The following DLC1 variants were observed in gnomAD, a reference collection of about 807,000 sequenced individuals.
DLC1 encodes the protein DLC1 Rho GTPase activating protein.
A neutral mutation model predicts 140.3 loss-of-function variants in DLC1; 54 were observed. The ratio of observed to expected loss-of-function variants is 0.38; its 90% CI spans 0.31 to 0.48. The LOEUF (loss-of-function observed/expected upper bound fraction) is 0.48, where lower values mean the gene tolerates loss of function less well. DLC1 is among the 20% of genes least tolerant of loss of function. The pLI is 0.96. For missense variants in DLC1, 2,536 were observed against 1,907.0 expected (o/e 1.33, Z -6.14); for synonymous variants, 986 against 728.1 (o/e 1.35, Z -5.70).
intron 4 of DLC1, among the ~76,000 whole-genome samples, chr8:13,336,231 G>A (rs919558184): frequency 4.8e-4 from 72 of 151,068 alleles, no homozygotes; most frequent in African/African-American, 1.7e-3. Flanking sequence ...CCTTAATAAA[G>A]TTTTTTTTTC....
intron 2 of DLC1, among the ~76,000 whole-genome samples, chr8:13,452,177 A>G (rs1174381209): frequency 2.0e-5 from 3 of 150,826 alleles, no homozygotes; most frequent in Admixed American, 2.0e-4. Context: ...TAATTTAATA[A>G]TTAAAATAAA....
rs976676083 is a variant in DLC1 at position 13,098,498 on chromosome 8, T to C, written c.3068A>G (p.Gln1023Arg). 6.2e-7 allele frequency: 1 copy of C among 1,614,142 alleles called. No homozygotes were observed. The highest frequency in any genetic ancestry group is 1.7e-5 in the Admixed American group (1 of 60,014). The change falls in exon 10 of 18, where the codon CAG becomes CGG. Residue 1023 changes from glutamine to arginine, a missense_variant. By Grantham distance (43) the Gln-to-Arg change is conservative (BLOSUM62 1). Coordinates refer to ENST00000276297, the MANE Select transcript of DLC1 (RefSeq NM_182643.3). ...LNSVSLQINC[Q>R]SVAQMNLLQK... ...CAGCAGGTTCATCTGGGCCACAGAC[T>C]GGCAGTTAATCTGTAGTGATACAGA...
At chr8:13,433,507 G>C (rs1372807306) in intron 2 of DLC1, among the ~76,000 whole-genome samples, 2 of 152,100 alleles carry the variant, frequency 1.3e-5, no homozygotes, top group Non-Finnish European at 2.9e-5. Flanking sequence ...TCCAATTAAT[G>C]GTCAGTCAAA....
chr8:13,108,044 C>CAAAAAAAT (rs1284570436), intron 7 of DLC1, among the ~76,000 whole-genome samples: 2 of 151,690 alleles, frequency 1.3e-5, no homozygotes, highest in South Asian at 4.2e-4. Flanking sequence ...GACTCCATCT[C>CAAAAAAAT]AAAAAAATAA....
rs560533808 is a variant in DLC1, at chr8:13,484,478, A to T, written c.1023+14571T>A. Among the ~76,000 whole-genome samples, 135 of 152,204 alleles carry T rather than the reference A, an allele frequency of 8.9e-4. 1 individual carries two copies. Among genetic ancestry groups the T allele is most frequent in the Non-Finnish European group, 1.4e-3 (97 of 68,012 alleles). On this transcript the variant is annotated intron_variant, in intron 2 of 17. Transcript: ENST00000276297. Reference sequence around the variant, plus strand: ...AAATAAGTCTTGTATGCCTGGACTGATTCTCTTTAGTTTTTGGAGCGATGG... The same window carrying T: ...AAATAAGTCTTGTATGCCTGGACTGTTTCTCTTTAGTTTTTGGAGCGATGG...
At chr8:13,209,440 C>G (rs531240874) in intron 5 of DLC1, among the ~76,000 whole-genome samples, 1 of 152,272 alleles carries the variant, frequency 6.6e-6, no homozygotes, top group South Asian at 2.1e-4. Flanking sequence ...TGGATGACTT[C>G]TGCTCATCAG....
chr8:13,508,515 T>G (rs2117240946), intron 1 of DLC1, among the ~76,000 whole-genome samples: 1 of 152,002 alleles, frequency 6.6e-6, no homozygotes, highest in Non-Finnish European at 1.5e-5. Context: ...CCTCCCGAGT[T>G]CATGCCATTC....
Position 13,330,705 on chromosome 8 carries a change from A to C in DLC1, c.1315-25403T>G, listed in dbSNP as rs563697474. Among the ~76,000 whole-genome samples the C allele has an allele frequency of 5.9e-5, 9 of 152,306 alleles. No homozygotes were observed. In the South Asian group the frequency reaches 1.0e-3, roughly 18 times the overall value. ...AAAAAACACACAGTGAGAGGGGATG[A>C]GGTGACCAGGGGTTAGGATTACTAC... On this transcript the variant is annotated intron_variant, in intron 4 of 17. Coordinates refer to ENST00000276297, the MANE Select transcript of DLC1 (RefSeq NM_182643.3).
intron 2 of DLC1, among the ~76,000 whole-genome samples, chr8:13,498,027 G>A (rs932900012): frequency 2.6e-5 from 4 of 152,040 alleles, no homozygotes; most frequent in Non-Finnish European, 5.9e-5. Context: ...CTCTCTCATG[G>A]TAGATAGCCC....
chr8:13,373,203 C>T (rs1004844554), intron 4 of DLC1, among the ~76,000 whole-genome samples: 3 of 152,080 alleles, frequency 2.0e-5, no homozygotes, highest in Non-Finnish European at 2.9e-5. Context: ...TGGGTGCAAA[C>T]GGGTGACTGA....
rs1302589741 is a variant in DLC1 at position 13,603,837 on chromosome 8, AC to A, written c.-126+699del. Among the ~76,000 whole-genome samples, 9 of 152,120 alleles carry A rather than the reference AC, an allele frequency of 5.9e-5. No individual in the cohort carries two copies. The East Asian group carries it at 1.5e-3, about 26-fold the overall frequency. On this transcript the variant is annotated intron_variant, in intron 1 of 1. Transcript: ENST00000631382. Reference sequence around the variant, plus strand: ...AAGGCAACCGATCATTTCATTTGTAACCTTGTTGATTAAGCGGCTCTGAATT... The same window carrying A: ...AAGGCAACCGATCATTTCATTTGTAACTTGTTGATTAAGCGGCTCTGAATT...
At chr8:13,574,565 T>A (rs1178056600) in intron 1 of DLC1, among the ~76,000 whole-genome samples, 2 of 152,116 alleles carry the variant, frequency 1.3e-5, no homozygotes, top group Non-Finnish European at 1.5e-5. Flanking sequence ...AAAATGTGTC[T>A]AGCCACTTAG....
chr8:13,498,967 T>C, intron 2 of DLC1, 82 bp downstream of exon 2: 6 of 1,471,792 alleles, frequency 4.1e-6, no homozygotes, highest in Non-Finnish European at 5.4e-6. Flanking sequence ...CATATCTTTT[T>C]AATCCAAGCA....
intron 4 of DLC1, among the ~76,000 whole-genome samples, chr8:13,327,758 C>T (rs1833431233): frequency 1.3e-5 from 2 of 152,218 alleles, no homozygotes; most frequent in Non-Finnish European, 2.9e-5. Flanking sequence ...GACATTGTCT[C>T]TGGCCTTATG....
At chr8:13,380,261 G>C (rs1311510682) in intron 4 of DLC1, among the ~76,000 whole-genome samples, 3 of 152,068 alleles carry the variant, frequency 2.0e-5, no homozygotes, top group African/African-American at 7.2e-5. Flanking sequence ...TATTCTCCCC[G>C]GAAAACTACT....
chr8:13,125,112 G>C (rs1398206740), intron 5 of DLC1, among the ~76,000 whole-genome samples: 6 of 152,048 alleles, frequency 3.9e-5, no homozygotes, highest in African/African-American at 1.2e-4. Flanking sequence ...AAGTAGCTGG[G>C]ATTACAGGTG....
chr8:13,529,101 C>G (rs1038675663), intron 1 of DLC1, among the ~76,000 whole-genome samples: 1 of 151,978 alleles, frequency 6.6e-6, no homozygotes, highest in East Asian at 1.9e-4. Flanking sequence ...GATGTATAAG[C>G]GAACAGAATA....
intron 5 of DLC1, among the ~76,000 whole-genome samples, chr8:13,120,086 T>C (rs1029032186): frequency 2.0e-5 from 3 of 151,764 alleles, no homozygotes; most frequent in Non-Finnish European, 4.4e-5. Flanking sequence ...CTCACGCCTG[T>C]AATACCAGCA....
At chr8:13,324,099 A>T (rs1833236914) in intron 4 of DLC1, among the ~76,000 whole-genome samples, 1 of 152,068 alleles carries the variant, frequency 6.6e-6, no homozygotes, top group African/African-American at 2.4e-5. Context: ...ATTTTTTTTG[A>T]GTCTTGCATC....
Sources: allele counts gnomAD v4.1 joint callset (sites outside exome capture counted in the v4.1 genomes callset), GRCh38; gene constraint gnomAD v4.1.1; transcripts MANE v1.5; gene names NCBI Gene and HGNC (gene_info 2026-07-23, HGNC 2026-07-21).